UGT2A1: variants seen among roughly 807,000 people sequenced by gnomAD.
The protein encoded by UGT2A1 is UDP-glucuronosyltransferase 2A1.
Under a neutral mutation model 45.4 loss-of-function variants are expected in UGT2A1, and 61 were observed. That is an observed-to-expected ratio of 1.34 (90% confidence interval 1.09 to 1.66). UGT2A1 has a LOEUF of 1.66. Ranked by LOEUF, UGT2A1 falls within the 40% of genes most tolerant of loss-of-function variation. The probability of loss-of-function intolerance (pLI) is 0.00; values close to 1 mark genes in which losing one functional copy is unlikely to be tolerated. For synonymous variants in UGT2A1, 229 were observed against 196.2 expected, an observed-to-expected ratio of 1.17 and a Z score of -1.40; for missense variants, 649 against 574.3, an observed-to-expected ratio of 1.13 and a Z score of -1.33.
chr4:69,625,191 A>G (rs917323525), intron 3 of UGT2A1, among the ~76,000 whole-genome samples: 3 of 150,342 alleles, frequency 2.0e-5, no homozygotes, highest in African/African-American at 7.3e-5. Context: ...TAGATGAAGT[A>G]TTTTTTAATT....
intron 2 of UGT2A1, chr4:69,639,466 C>A: frequency 6.2e-7 from 1 of 1,613,116 alleles, no homozygotes; most frequent in African/African-American, 1.3e-5. Context: ...AGTACAGTCA[C>A]ATTGTGATTT....
intron 6 of UGT2A1, among the ~76,000 whole-genome samples, chr4:69,593,418 C>T (rs905691592): frequency 8.6e-5 from 13 of 151,574 alleles, no homozygotes; most frequent in African/African-American, 3.1e-4. Context: ...CTATAAGTAG[C>T]TAAAATTAAA....
At chr4:69,617,141 C>A (rs1560481125) in intron 3 of UGT2A1, among the ~76,000 whole-genome samples, 2 of 151,828 alleles carry the variant, frequency 1.3e-5, no homozygotes, top group African/African-American at 4.8e-5. Flanking sequence ...CAACAATAAA[C>A]TATGTGTAAA....
chr4:69,611,057 T>C (rs1720005595), intron 3 of UGT2A1, among the ~76,000 whole-genome samples: 1 of 152,270 alleles, frequency 6.6e-6, no homozygotes, highest in African/African-American at 2.4e-5. Flanking sequence ...AAAACCATTA[T>C]TTAGCAGAAT....
At chr4:69,648,156 A>G (rs972119953) in intron 1 of UGT2A1, among the ~76,000 whole-genome samples, 18 of 150,414 alleles carry the variant, frequency 1.2e-4, no homozygotes, top group African/African-American at 4.4e-4. Flanking sequence ...AATATATAAG[A>G]TTGTCAAATA....
chr4:69,619,042 C>T (rs1553905789), intron 3 of UGT2A1, among the ~76,000 whole-genome samples: 1 of 151,692 alleles, frequency 6.6e-6, no homozygotes, highest in South Asian at 2.1e-4. Context: ...TATGTATATA[C>T]ATTTGTAAAT....
At chr4:69,611,899 T>C (rs1389658675) in intron 3 of UGT2A1, among the ~76,000 whole-genome samples, 39 of 152,048 alleles carry the variant, frequency 2.6e-4, no homozygotes, top group Non-Finnish European at 1.5e-5. Context: ...TAAGTTCAAC[T>C]CCCCAAATCT....
Position 69,594,645 on chromosome 4 carries a change from T to C in UGT2A1, c.1136A>G (p.Tyr379Cys), listed in dbSNP as rs1310629542. The C allele has an allele frequency of 6.2e-7, 1 of 1,614,092 alleles. No individual in the cohort carries two copies. Among genetic ancestry groups the C allele is most frequent in the Non-Finnish European group, 8.5e-7 (1 of 1,180,008 alleles). ...AGGGACTCCGTGGTAAATAGCTTCG[T>C]AGATCCCATTAGTTCCACCATGAGT... Reference protein sequence around the residue: ...FITHGGTNGIYEAIYHGVPMV... With the variant: ...FITHGGTNGICEAIYHGVPMV... Residue 379 changes from tyrosine (Y) to cysteine (C), a missense_variant, in exon 6 of 7, where the codon TAC becomes TGC. Transcript: ENST00000286604.
chr4:69,612,635 TC>T (rs1275707061), intron 3 of UGT2A1, among the ~76,000 whole-genome samples: 1 of 151,866 alleles, frequency 6.6e-6, no homozygotes, highest in Non-Finnish European at 1.5e-5. Flanking sequence ...GGGAAACCAC[TC>T]CCTATTCAAT....
intron 3 of UGT2A1, among the ~76,000 whole-genome samples, chr4:69,628,636 T>C (rs1340380871): frequency 1.3e-5 from 2 of 150,912 alleles, no homozygotes; most frequent in African/African-American, 4.9e-5. Flanking sequence ...ACAGAACTTT[T>C]TTGAATTAAT....
chr4:69,634,272 A>AAAC (rs1553907357), intron 3 of UGT2A1, among the ~76,000 whole-genome samples: 1 of 148,914 alleles, frequency 6.7e-6, no homozygotes, highest in Non-Finnish European at 1.5e-5. Context: ...AAACAAAACA[A>AAAC]AACAACAACA....
intron 2 of UGT2A1, among the ~76,000 whole-genome samples, 162 bp downstream of exon 2, chr4:69,646,768 A>G (rs1469497654): frequency 6.6e-6 from 1 of 151,888 alleles, no homozygotes; most frequent in Non-Finnish European, 1.5e-5. Flanking sequence ...GTACTTCTGA[A>G]GTACAATGTC....
rs1305628982 is a variant in UGT2A1 at position 69,606,944 on chromosome 4, C to T, written c.848-7550G>A. 1.1e-4 allele frequency among the ~76,000 whole-genome samples: 15 copies of T among 136,472 alleles called. 3 individuals carry two copies. Among genetic ancestry groups the T allele is most frequent in the African/African-American group, 2.1e-4 (7 of 33,632 alleles). 89.5% of individuals were successfully genotyped at this position (136,472 alleles called of 152,430 possible). ...GGATACAAACAAATGGAAGAACATT[C>T]CATGCTCATGGGTAGGAAGAATCAA... On this transcript the variant is annotated intron_variant, in intron 3 of 6. Transcript: ENST00000286604.
chr4:69,593,704 C>T (rs185626954), intron 6 of UGT2A1, among the ~76,000 whole-genome samples: 51 of 151,520 alleles, frequency 3.4e-4, no homozygotes, highest in African/African-American at 1.2e-3. Context: ...AAAAAATTAT[C>T]CACTACCCTA....
chr4:69,622,742 G>A (rs1481081974), intron 3 of UGT2A1, among the ~76,000 whole-genome samples: 1 of 151,704 alleles, frequency 6.6e-6, no homozygotes, highest in East Asian at 1.9e-4. Flanking sequence ...CTATTGTCTA[G>A]CAAAGAGAAG....
At chr4:69,598,608 A>G (rs1444549043) in intron 4 of UGT2A1, among the ~76,000 whole-genome samples, 1 of 152,084 alleles carries the variant, frequency 6.6e-6, no homozygotes, top group Non-Finnish European at 1.5e-5. Context: ...TTGAATTTAC[A>G]CTTTGTACTA....
At chr4:69,634,224 G>A (rs974848770) in intron 3 of UGT2A1, among the ~76,000 whole-genome samples, 6 of 151,734 alleles carry the variant, frequency 4.0e-5, no homozygotes, top group African/African-American at 1.5e-4. Context: ...CAGCCTGAGC[G>A]ACAGAGCGAG....
chr4:69,647,483 A>C lies in UGT2A1; in HGVS notation c.162T>G (p.Val54=), dbSNP rs1051853680. Residue 54 remains valine, a synonymous_variant, in exon 2 of 7, where the codon GTT becomes GTG. Transcript: ENST00000286604. ...GTGTGATGAAAAGTGCACCAGAGGC[A>C]ACTAGGACAGTCACATTATGCTCCT... ...IKKEHNVTVL[V]ASGALFITPT... is the part of the protein sequence containing the mutation. 8.7e-6 allele frequency: 14 copies of C among 1,613,130 alleles called. No individual in the cohort carries two copies. Among genetic ancestry groups the C allele is most frequent in the Non-Finnish European group, 1.1e-5 (13 of 1,179,384 alleles).
intron 3 of UGT2A1, among the ~76,000 whole-genome samples, chr4:69,619,584 T>C (rs1720619707): frequency 6.6e-6 from 1 of 151,940 alleles, no homozygotes; most frequent in Admixed American, 6.6e-5. Flanking sequence ...AATATAATCT[T>C]TTTCAGGTGA....
Sources: allele counts gnomAD v4.1 joint callset (sites outside exome capture counted in the v4.1 genomes callset), GRCh38; gene constraint gnomAD v4.1.1; transcripts MANE v1.5; gene names NCBI Gene and HGNC (gene_info 2026-07-23, HGNC 2026-07-21).